Variants in RNASE11 observed in about 807,000 individuals in gnomAD.
RNASE11 encodes putative inactive ribonuclease 11.
For synonymous variants in RNASE11, 105 were observed against 86.1 expected, an observed-to-expected ratio of 1.22 and a Z score of -1.21; for missense variants, 252 against 237.8, an observed-to-expected ratio of 1.06 and a Z score of -0.39.
chr14:20,584,018 G>T (rs745560470), exon 2 of RNASE11: 3 of 1,614,084 alleles, frequency 1.9e-6, no homozygotes, highest in South Asian at 1.1e-5. Context: ...GTATTTTCCA[G>T]TTCTAGGCTC....
upstream of RNASE11, among the ~76,000 whole-genome samples, chr14:20,589,244 G>A (rs1304096015): frequency 6.7e-6 from 1 of 149,362 alleles, no homozygotes; most frequent in Non-Finnish European, 1.5e-5. Flanking sequence ...GATATTTTGA[G>A]CATCCAAGAT....
At chr14:20,587,303 C>A (rs1184212376) in intron 1 of RNASE11, among the ~76,000 whole-genome samples, 1 of 152,128 alleles carries the variant, frequency 6.6e-6, no homozygotes, top group Non-Finnish European at 1.5e-5. Context: ...TCTGAGGATA[C>A]ATCCTATTGG....
At chr14:20,588,830 A>G (rs1281225946), upstream of RNASE11, among the ~76,000 whole-genome samples, 1 of 152,160 alleles carries the variant, frequency 6.6e-6, no homozygotes, top group Admixed American at 6.5e-5. Context: ...TCTGTTGCCC[A>G]GGCTGGAGTG....
At chr14:20,587,464 G>C (rs979532525) in intron 1 of RNASE11, 99 bp downstream of exon 2, 44 of 459,130 alleles carry the variant, frequency 9.6e-5, no homozygotes, top group African/African-American at 9.1e-4. Flanking sequence ...TCAGAAAATA[G>C]ATGTAGGAAC....
intron 1 of RNASE11, chr14:20,585,207 A>G (rs1204553125): frequency 5.5e-6 from 2 of 365,378 alleles, no homozygotes; most frequent in Non-Finnish European, 7.6e-6. Context: ...GAACCAAGGA[A>G]GCTCAGGGAG....
chr14:20,589,098 T>G (rs1184444208), upstream of RNASE11, among the ~76,000 whole-genome samples: 1 of 151,752 alleles, frequency 6.6e-6, no homozygotes, highest in Non-Finnish European at 1.5e-5. Flanking sequence ...GAAAATAAAT[T>G]TAATGCAAAA....
chr14:20,586,677 C>T (rs974347099), intron 1 of RNASE11, among the ~76,000 whole-genome samples: 1 of 152,164 alleles, frequency 6.6e-6, no homozygotes, highest in African/African-American at 2.4e-5. Context: ...CTTCTATATC[C>T]TATACCATTG....
intron 1 of RNASE11, among the ~76,000 whole-genome samples, chr14:20,585,294 A>C (rs6576290): frequency 0.32 from 47,956 of 151,998 alleles, 8,413 homozygotes; most frequent in African/African-American, 0.47. Context: ...TCTGTGAAAT[A>C]TTTTCTGTCT....
chr14:20,583,773 C>G (rs1290051326), exon 2 of RNASE11: 1 of 1,264,260 alleles, frequency 7.9e-7, no homozygotes, highest in African/African-American at 1.5e-5. Context: ...ATCAGGAGTT[C>G]ACTATAGTGC....
chr14:20,589,197 T>C (rs1014497756), upstream of RNASE11, among the ~76,000 whole-genome samples: 41 of 152,112 alleles, frequency 2.7e-4, no homozygotes, highest in African/African-American at 9.7e-4. Flanking sequence ...ACCCTGATCC[T>C]AGCCTTGTCA....
rs548201013 is a variant in RNASE11, at chr14:20,583,785, A to G, written c.*90T>C. The G allele has an allele frequency of 4.4e-6, 6 of 1,370,862 alleles. No individual in the cohort carries two copies. The South Asian group carries it at 8.5e-5, about 19-fold the overall frequency. The allele number at this position is 1,370,862 out of a possible 1,614,324, so 84.9% of individuals were successfully genotyped here. A position where few individuals can be genotyped will look rare whatever the true frequency, so the allele number is the denominator to read the frequency against. ...ATAATCAGGAGTTCACTATAGTGCT[A>G]AAGAGTAGATATTAAGGAAAGGTTT... is the stretch of plus-strand genomic sequence containing the variant. On this transcript the variant is annotated 3_prime_UTR_variant, in exon 2 of 2. Transcript: ENST00000553849.
upstream of RNASE11, among the ~76,000 whole-genome samples, chr14:20,589,940 G>C (rs962869254): frequency 1.3e-5 from 2 of 152,150 alleles, no homozygotes; most frequent in Non-Finnish European, 2.9e-5. Flanking sequence ...AGGTTACTAG[G>C]TTTTTGGTCT....
intron 1 of RNASE11, 95 bp from the exon 3 acceptor site, chr14:20,584,591 A>C (rs1018332051): frequency 9.9e-7 from 1 of 1,005,908 alleles, no homozygotes; most frequent in Non-Finnish European, 1.4e-6. Flanking sequence ...GGACCCCTAC[A>C]TGTAGGTTAA....
intron 1 of RNASE11, 56 bp from the exon 3 acceptor site, chr14:20,584,552 T>G: frequency 7.1e-7 from 1 of 1,400,464 alleles, no homozygotes; most frequent in Non-Finnish European, 9.5e-7. Flanking sequence ...AGGTAGTTCT[T>G]TCTTCCTCCT....
At chr14:20,584,451 C>A in exon 2 of RNASE11, 1 of 1,603,896 alleles carries the variant, frequency 6.2e-7, no homozygotes, top group Non-Finnish European at 8.5e-7. Context: ...CCAGGCTGAG[C>A]AGCAGCAGAG....
chr14:20,584,167 A>T, exon 2 of RNASE11: 1 of 1,614,100 alleles, frequency 6.2e-7, no homozygotes, highest in Non-Finnish European at 8.5e-7. Flanking sequence ...TTTTCTCCAG[A>T]CTGTCATGTC....
chr14:20,584,048 G>T lies in RNASE11; in HGVS notation c.427C>A (p.Pro143Thr), dbSNP rs112711544. ...AGGCTCTCACAGCAGCTTATGCCAG[G>T]ATTCTGTACAAACTTGCAGCTGGGG... is the stretch of plus-strand genomic sequence containing the variant. Residue 143 changes from proline to threonine, a missense_variant, in exon 2 of 2, where the codon CCT becomes ACT. Pro to Thr is a conservative substitution (Grantham distance 38). Coordinates refer to ENST00000553849, the Ensembl canonical transcript of RNASE11. 12 of 1,614,168 alleles carry T rather than the reference G, an allele frequency of 7.4e-6. No homozygotes were observed. In the African/African-American group the frequency reaches 8.0e-5, roughly 11 times the overall value.
exon 2 of RNASE11, chr14:20,584,357 C>T: frequency 1.1e-5 from 18 of 1,614,070 alleles, no homozygotes; most frequent in Non-Finnish European, 1.4e-5. Context: ...CCACTTTTTG[C>T]CATGTCATAT....
At chr14:20,590,042 T>C, upstream of RNASE11, 1 of 721,164 alleles carries the variant, frequency 1.4e-6, no homozygotes, top group South Asian at 2.2e-5. Context: ...GACCTAGAGA[T>C]AAGGGACAAA....
Sources: allele counts gnomAD v4.1 joint callset (sites outside exome capture counted in the v4.1 genomes callset), GRCh38; gene constraint gnomAD v4.1.1; transcripts MANE v1.5; gene names NCBI Gene and HGNC (gene_info 2026-07-23, HGNC 2026-07-21).